SYCP1: variants seen among roughly 807,000 people sequenced by gnomAD.
SYCP1 encodes synaptonemal complex protein 1.
A neutral mutation model predicts 153.1 loss-of-function variants in SYCP1; 64 were observed. The observed-to-expected ratio is 0.42, with a 90% confidence interval of 0.34 to 0.51. The LOEUF is 0.51. Among genes scored for constraint, SYCP1 ranks in the 20% least tolerant of loss-of-function variants. The pLI is 0.06. For missense variants in SYCP1, 997 were observed against 1,049.0 expected, an observed-to-expected ratio of 0.95 and a Z score of 0.68; for synonymous variants, 384 against 341.8, an observed-to-expected ratio of 1.12 and a Z score of -1.36.
At chr1:114,955,813 G>A (rs1262447261) in intron 27 of SYCP1, among the ~76,000 whole-genome samples, 1 of 152,130 alleles carries the variant, frequency 6.6e-6, no homozygotes, top group Non-Finnish European at 1.5e-5. Flanking sequence ...ACAGGTGGCT[G>A]ACCTACTGAG....
Position 114,902,289 on chromosome 1 carries a change from A to G in SYCP1, c.1320+6780A>G, listed in dbSNP as rs12084097. ...AGGCTTAGAAGCGAAAGAGAAAAAG[A>G]TGTTTTTTTTTGGTTTGCATTTCAC... On this transcript the variant is annotated intron_variant, in intron 16 of 31. Coordinates refer to ENST00000369522, the MANE Select transcript of SYCP1 (RefSeq NM_003176.4). Among the ~76,000 whole-genome samples the G allele has an allele frequency of 4.9e-3, 743 of 152,216 alleles. 8 individuals are homozygous for G. The highest frequency in any genetic ancestry group is 0.017 in the African/African-American group (695 of 41,528).
intron 30 of SYCP1, among the ~76,000 whole-genome samples, chr1:114,989,331 A>C (rs1181289514): frequency 6.6e-6 from 1 of 152,002 alleles, no homozygotes; most frequent in Non-Finnish European, 1.5e-5. Flanking sequence ...GGTAACTACA[A>C]TGAAATTATA....
intron 30 of SYCP1, among the ~76,000 whole-genome samples, chr1:114,989,766 G>A (rs1673791371): frequency 6.6e-6 from 1 of 151,818 alleles, no homozygotes; most frequent in Non-Finnish European, 1.5e-5. Flanking sequence ...AAACACAAAG[G>A]ACATTAATAA....
intron 30 of SYCP1, among the ~76,000 whole-genome samples, chr1:114,988,077 C>A (rs11102859): frequency 8.1e-6 from 1 of 123,018 alleles, no homozygotes; most frequent in Non-Finnish European, 1.7e-5. Flanking sequence ...GTCTGATAAA[C>A]GGCAAAAAAA....
In SYCP1 at chr1:114,887,842, G is replaced by A. The variant is rs533313293; in HGVS notation, c.1258+149G>A. The stretch of plus-strand genomic sequence containing the variant: ...ATTTTTATTTCAATATTTGAAGGTA[G>A]AAAATTTAAACCTTAAGAAAGAGTG... On this transcript the variant is annotated intron_variant, in intron 15 of 31. Coordinates refer to ENST00000369522, the MANE Select transcript of SYCP1 (RefSeq NM_003176.4). The A allele has an allele frequency of 1.6e-4, 84 of 509,206 alleles. No homozygotes were observed. The East Asian group carries it at 2.7e-3, about 16-fold the overall frequency. 31.5% of individuals were successfully genotyped at this position (509,206 alleles called of 1,614,324 possible).
At chr1:114,955,270 A>G (rs1381920756) in intron 27 of SYCP1, among the ~76,000 whole-genome samples, 1 of 152,134 alleles carries the variant, frequency 6.6e-6, no homozygotes, top group Non-Finnish European at 1.5e-5. Context: ...ATACATATGG[A>G]GAGTGAGAAA....
chr1:114,910,578 T>C, intron 17 of SYCP1, 77 bp downstream of exon 17: 1 of 905,074 alleles, frequency 1.1e-6, no homozygotes, highest in South Asian at 2.6e-5. Flanking sequence ...TATAAGTATT[T>C]CTTTTGTTAA....
intron 20 of SYCP1, among the ~76,000 whole-genome samples, chr1:114,920,358 T>C (rs1308303699): frequency 6.6e-6 from 1 of 152,314 alleles, no homozygotes; most frequent in South Asian, 2.1e-4. Flanking sequence ...TGATCTGATT[T>C]CAATTTTTTA....
At chr1:114,991,353 A>G (rs914697919) in intron 30 of SYCP1, among the ~76,000 whole-genome samples, 3 of 151,918 alleles carry the variant, frequency 2.0e-5, no homozygotes, top group Non-Finnish European at 4.4e-5. Context: ...AGGCACCACA[A>G]GAAAGGAAAA....
At chr1:114,975,305 C>A (rs28636720) in intron 27 of SYCP1, among the ~76,000 whole-genome samples, 1 of 148,744 alleles carries the variant, frequency 6.7e-6, no homozygotes, top group East Asian at 2.0e-4. Flanking sequence ...ATATTCACTA[C>A]ATATTTTCTT....
At chr1:114,963,372 G>T (rs1415474394) in intron 27 of SYCP1, among the ~76,000 whole-genome samples, 2 of 151,984 alleles carry the variant, frequency 1.3e-5, no homozygotes, top group African/African-American at 4.8e-5. Context: ...TTTTTTAAAA[G>T]TATTTTTTCT....
intron 27 of SYCP1, among the ~76,000 whole-genome samples, chr1:114,971,919 C>A (rs1349703582): frequency 1.3e-5 from 2 of 152,014 alleles, no homozygotes; most frequent in Non-Finnish European, 1.5e-5. Flanking sequence ...TTTAAGGGTA[C>A]TACTGGCCTC....
intron 11 of SYCP1, 121 bp from the exon 12 acceptor site, chr1:114,877,973 G>A: frequency 1.7e-6 from 1 of 582,992 alleles, no homozygotes; most frequent in Non-Finnish European, 3.0e-6. Context: ...CAGGGTGGGA[G>A]GGTTAAGTGG....
At chr1:114,857,167 GAAA>G in intron 3 of SYCP1, 62 bp from the exon 4 acceptor site, 5 of 558,538 alleles carry the variant, frequency 9.0e-6, no homozygotes, top group East Asian at 8.7e-5. Flanking sequence ...AGAGAAAAAA[GAAA>G]AAAAAAAAGA....
chr1:114,876,708 A>G (rs909675008), intron 10 of SYCP1, 29 bp from the exon 11 acceptor site: 1 of 1,131,376 alleles, frequency 8.8e-7, no homozygotes. Context: ...ATGTTATGAC[A>G]TTACAGTATA....
chr1:114,881,146 A>T (rs1665898150), intron 12 of SYCP1, among the ~76,000 whole-genome samples: 1 of 151,204 alleles, frequency 6.6e-6, no homozygotes, highest in African/African-American at 2.4e-5. Flanking sequence ...CCATATTGCT[A>T]TTGTGAATAG....
At chr1:114,940,070 C>T (rs1670289767) in intron 23 of SYCP1, among the ~76,000 whole-genome samples, 1 of 151,872 alleles carries the variant, frequency 6.6e-6, no homozygotes, top group African/African-American at 2.4e-5. Context: ...TTATCAGTGT[C>T]ACCAGGAGTT....
intron 27 of SYCP1, among the ~76,000 whole-genome samples, chr1:114,958,315 G>A (rs1570862363): frequency 6.6e-6 from 1 of 152,086 alleles, no homozygotes; most frequent in East Asian, 1.9e-4. Flanking sequence ...GATGAAGAGG[G>A]ATTGATTAAT....
At chr1:114,930,713 A>G (rs1383153510) in intron 23 of SYCP1, among the ~76,000 whole-genome samples, 2 of 151,964 alleles carry the variant, frequency 1.3e-5, no homozygotes, top group East Asian at 3.8e-4. Context: ...CACAAAAAAT[A>G]GAAGAGTGAA....
Sources: allele counts gnomAD v4.1 joint callset (sites outside exome capture counted in the v4.1 genomes callset), GRCh38; gene constraint gnomAD v4.1.1; transcripts MANE v1.5; gene names NCBI Gene and HGNC (gene_info 2026-07-23, HGNC 2026-07-21).